FOXK2: variants seen among roughly 807,000 people sequenced by gnomAD.
The protein encoded by FOXK2 is forkhead box K2.
FOXK2 carries 24 observed loss-of-function variants against 53.3 expected under a neutral mutation model. The ratio of observed to expected loss-of-function variants is 0.45; its 90% confidence interval spans 0.33 to 0.63. FOXK2 has a LOEUF of 0.63. Among genes scored for constraint, FOXK2 ranks in the 30% least tolerant of loss-of-function variants. The probability of loss-of-function intolerance (pLI) is 0.03; values close to 1 mark genes in which losing one functional copy is unlikely to be tolerated. For missense variants in FOXK2, 952 were observed against 910.5 expected (o/e 1.05, Z -0.59); for synonymous variants, 505 against 407.1 (o/e 1.24, Z -2.89).
chr17:82,561,858 GC>G (rs767072267), intron 1 of FOXK2, among the ~76,000 whole-genome samples: 102 of 152,166 alleles, frequency 6.7e-4, no homozygotes, highest in Non-Finnish European at 1.1e-3. Context: ...ACCTCCACAG[GC>G]TGGAGGTGCC....
intron 1 of FOXK2, among the ~76,000 whole-genome samples, chr17:82,538,138 G>A (rs991117347): frequency 2.0e-5 from 3 of 151,722 alleles, no homozygotes; most frequent in Admixed American, 6.6e-5. Flanking sequence ...CAGGAGAATC[G>A]TTTGAACCCA....
At chr17:82,586,949 TTA>T in intron 7 of FOXK2, 112 bp from the exon 8 acceptor site, 5 of 963,412 alleles carry the variant, frequency 5.2e-6, no homozygotes, top group Non-Finnish European at 8.1e-6. Flanking sequence ...GCTGTTTGTT[TTA>T]GAGACATTTT....
chr17:82,592,115 G>T (rs2045258563), intron 8 of FOXK2, among the ~76,000 whole-genome samples: 1 of 152,236 alleles, frequency 6.6e-6, no homozygotes. Context: ...ATGTTGCCCA[G>T]GCTGGTTTCA....
intron 1 of FOXK2, among the ~76,000 whole-genome samples, chr17:82,559,762 G>A (rs1378276132): frequency 6.7e-6 from 1 of 150,098 alleles, no homozygotes; most frequent in Non-Finnish European, 1.5e-5. Flanking sequence ...CAGGTGATCA[G>A]TTTTATTATT....
chr17:82,586,209 A>C lies in FOXK2; in HGVS notation c.1576+9A>C. ...CCACAGGGAAGTCAAAGGTAGGCGG[A>C]GGGGAAAGGAGGAGAGGGGAGACCA... On this transcript the variant is annotated intron_variant, in intron 7 of 8. Coordinates refer to ENST00000335255, the MANE Select transcript of FOXK2 (RefSeq NM_004514.4). The C allele has an allele frequency of 2.2e-6, 3 of 1,387,336 alleles. No homozygotes were observed. The highest frequency in any genetic ancestry group is 2.8e-6 in the Non-Finnish European group (3 of 1,056,566). 85.9% of individuals were successfully genotyped at this position (1,387,336 alleles called of 1,614,324 possible). A position where few individuals can be genotyped will look rare whatever the true frequency, so the allele number is the denominator to read the frequency against.
chr17:82,537,452 C>A (rs1052323247), intron 1 of FOXK2, among the ~76,000 whole-genome samples: 1 of 151,320 alleles, frequency 6.6e-6, no homozygotes, highest in East Asian at 2.0e-4. Context: ...TTGAGACCAG[C>A]CTGGCCAGCA....
rs1159022250 is a variant in FOXK2 at position 82,586,046 on chromosome 17, C to A, written c.1422C>A (p.Val474=). The A allele has an allele frequency of 1.9e-6, 3 of 1,612,836 alleles. No homozygotes were observed. Among genetic ancestry groups the A allele is most frequent in the Non-Finnish European group, 2.5e-6 (3 of 1,179,998 alleles). The change falls in exon 7 of 9, where the codon GTC becomes GTA. Residue 474 remains valine, a synonymous_variant. Coordinates refer to ENST00000335255, the MANE Select transcript of FOXK2 (RefSeq NM_004514.4). The part of the protein sequence containing the change: ...QPPVVQTVHV[V]HQIPAVSVTS... ...CCGTCGTGCAGACGGTTCACGTCGT[C>A]CACCAGATCCCAGCGGTGTCGGTCA...
rs2045198273 is a variant in FOXK2 at position 82,587,381 on chromosome 17, G to GC, written c.1786+110dup. On this transcript the variant is annotated intron_variant, in intron 8 of 8. Transcript: ENST00000335255. ...GTAACAATTTTAGCTTTTGTCTGAG[G>GC]CAATGTTTGCATTTCGAAGCTGCAG... 3.6e-6 allele frequency: 3 copies of GC among 840,308 alleles called. No individual in the cohort carries two copies. The East Asian group carries it at 8.0e-5, about 22-fold the overall frequency. 52.1% of individuals were successfully genotyped at this position (840,308 alleles called of 1,614,324 possible).
chr17:82,534,246 GAAAA>G, intron 1 of FOXK2, among the ~76,000 whole-genome samples: 1 of 150,724 alleles, frequency 6.6e-6, no homozygotes, highest in East Asian at 2.0e-4. Context: ...ACCTCGACTC[GAAAA>G]AAAAAGAAAA....
chr17:82,592,235 G>A (rs2045259705), intron 8 of FOXK2, among the ~76,000 whole-genome samples: 1 of 152,200 alleles, frequency 6.6e-6, no homozygotes, highest in Non-Finnish European at 1.5e-5. Flanking sequence ...GGAGTTCGGG[G>A]CTGAGCTGTG....
At position 82,604,275 on chromosome 17, in the gene FOXK2, G is replaced by C. The variant is rs1315413106; in HGVS notation, c.*2776G>C. 1 of 151,142 alleles carries C rather than the reference G, an allele frequency of 6.6e-6. No homozygotes were observed. The highest frequency in any genetic ancestry group is 1.5e-5 in the Non-Finnish European group (1 of 68,076). The allele number at this position is 151,142 out of a possible 1,614,324, so 9.4% of individuals were successfully genotyped here. ...ACCCACGTCACGTGGTGCACTCAGAGTGTGTGCGGCATGATCCTCGGTTGC... is the reference window on the plus strand; with the variant it reads ...ACCCACGTCACGTGGTGCACTCAGACTGTGTGCGGCATGATCCTCGGTTGC... On this transcript the variant is annotated 3_prime_UTR_variant, in exon 9 of 9. Transcript: ENST00000335255.
At chr17:82,536,026 A>G (rs1223335104) in intron 1 of FOXK2, among the ~76,000 whole-genome samples, 1 of 148,796 alleles carries the variant, frequency 6.7e-6, no homozygotes, top group Non-Finnish European at 1.5e-5. Flanking sequence ...ATAGGTGTGA[A>G]CCACCGTGCC....
chr17:82,542,267 T>C (rs546557600), intron 1 of FOXK2, among the ~76,000 whole-genome samples: 1 of 151,760 alleles, frequency 6.6e-6, no homozygotes, highest in African/African-American at 2.4e-5. Flanking sequence ...GTTCAGGCAA[T>C]TCTCCTGCCT....
At chr17:82,538,584 G>A (rs146498758) in intron 1 of FOXK2, among the ~76,000 whole-genome samples, 86 of 152,350 alleles carry the variant, frequency 5.6e-4, no homozygotes, top group African/African-American at 1.9e-3. Flanking sequence ...GTCCTCTGCT[G>A]GTGGACACAG....
chr17:82,538,493 A>AC (rs1161757558), intron 1 of FOXK2, among the ~76,000 whole-genome samples: 1 of 152,164 alleles, frequency 6.6e-6, no homozygotes, highest in African/African-American at 2.4e-5. Context: ...TCCAATTAAA[A>AC]CAACATTAAG....
chr17:82,588,451 C>CAGGCGG (rs2045218623), intron 8 of FOXK2: 1 of 104,556 alleles, frequency 9.6e-6, no homozygotes, highest in Non-Finnish European at 2.0e-5. Context: ...GGTTGGAGGG[C>CAGGCGG]TGGCGGTTGG....
chr17:82,545,967 T>TG (rs2044620901), intron 1 of FOXK2, among the ~76,000 whole-genome samples: 1 of 152,186 alleles, frequency 6.6e-6, no homozygotes, highest in Admixed American at 6.6e-5. Flanking sequence ...CAGTTCAGGG[T>TG]GCCTCAGAGC....
chr17:82,526,861 T>A (rs1260084985), intron 1 of FOXK2, among the ~76,000 whole-genome samples: 1 of 149,230 alleles, frequency 6.7e-6, no homozygotes, highest in Non-Finnish European at 1.5e-5. Flanking sequence ...GAAATGGAGT[T>A]GAGGCCTGGT....
intron 4 of FOXK2, among the ~76,000 whole-genome samples, chr17:82,573,502 G>T (rs1268112434): frequency 6.6e-6 from 1 of 151,728 alleles, no homozygotes; most frequent in Non-Finnish European, 1.5e-5. Flanking sequence ...ATAAAACTGA[G>T]GCTGTGCTTC....
Sources: gnomAD v4.1 joint callset for allele counts (sites outside exome capture counted in the v4.1 genomes callset) on GRCh38, gnomAD v4.1.1 for gene constraint, MANE v1.5 for transcripts, NCBI Gene and HGNC (gene_info 2026-07-23, HGNC 2026-07-21) for gene names.